Variants in FOXP1 observed in about 807,000 individuals in gnomAD.
FOXP1 encodes forkhead box P1.
FOXP1 carries 15 observed loss-of-function variants against 98.2 expected under a neutral mutation model. The observed-to-expected ratio is 0.15, with a 90% CI of 0.10 to 0.24. The LOEUF is 0.24. Ranked by LOEUF, FOXP1 falls within the 10% of genes least tolerant of loss-of-function variation. FOXP1 has a pLI of 1.00. For missense variants in FOXP1, 633 were observed against 848.5 expected (o/e 0.75, Z 3.15); for synonymous variants, 371 against 314.5 (o/e 1.18, Z -1.90).
At chr3:71,163,548 A>G (rs962691094) in intron 6 of FOXP1, among the ~76,000 whole-genome samples, 3 of 152,160 alleles carry the variant, frequency 2.0e-5, no homozygotes, top group Admixed American at 6.5e-5. Flanking sequence ...TCAGTGCCCA[A>G]TCTCTGCAGC....
Position 70,976,805 on chromosome 3 carries a change from CA to C in FOXP1, c.1530+135del, listed in dbSNP as rs537768033. The C allele has an allele frequency of 2.0e-4, 139 of 684,136 alleles. No individual in the cohort carries two copies. The African/African-American group carries it at 2.3e-3, about 11-fold the overall frequency. 42.4% of individuals were successfully genotyped at this position (684,136 alleles called of 1,614,324 possible). On this transcript the variant is annotated intron_variant, in intron 17 of 20. Transcript: ENST00000649528. ...ATGGCACTATTTTCCCAATCAAATACACCTAGAGATTGGACACTTTAAGAGT... is the reference window on the plus strand; with the variant it reads ...ATGGCACTATTTTCCCAATCAAATACCCTAGAGATTGGACACTTTAAGAGT...
intron 6 of FOXP1, among the ~76,000 whole-genome samples, chr3:71,197,635 A>G (rs1012320579): frequency 2.6e-5 from 4 of 152,184 alleles, no homozygotes; most frequent in Non-Finnish European, 5.9e-5. Context: ...CAGGGAACAT[A>G]TGTAAATACT....
chr3:71,344,336 C>T (rs2077195600), intron 4 of FOXP1, among the ~76,000 whole-genome samples: 1 of 152,218 alleles, frequency 6.6e-6, no homozygotes, highest in Admixed American at 6.6e-5. Context: ...ATTCTTCTGT[C>T]GTTTTGCAAA....
At chr3:71,006,688 T>A (rs2042849181) in intron 12 of FOXP1, among the ~76,000 whole-genome samples, 1 of 152,138 alleles carries the variant, frequency 6.6e-6, no homozygotes, top group Admixed American at 6.5e-5. Flanking sequence ...AATGATCACA[T>A]GAAATACCTA....
At chr3:71,299,621 G>A (rs968812133) in intron 5 of FOXP1, among the ~76,000 whole-genome samples, 199 bp downstream of exon 5, 3 of 152,106 alleles carry the variant, frequency 2.0e-5, no homozygotes, top group Admixed American at 2.0e-4. Context: ...TATTTGGGGG[G>A]GAAATGTGAA....
chr3:71,198,087 G>T, intron 6 of FOXP1, 115 bp downstream of exon 6: 1 of 1,614,116 alleles, frequency 6.2e-7, no homozygotes, highest in Non-Finnish European at 8.5e-7. Flanking sequence ...CAGAAAGACA[G>T]ATGGACAGAC....
intron 4 of FOXP1, among the ~76,000 whole-genome samples, chr3:71,323,471 G>C (rs1324007067): frequency 6.6e-6 from 1 of 152,004 alleles, no homozygotes; most frequent in African/African-American, 2.4e-5. Context: ...CCAAGAATAT[G>C]AGCAATAAGA....
At chr3:71,044,367 T>C (rs955562976) in intron 10 of FOXP1, among the ~76,000 whole-genome samples, 1 of 152,202 alleles carries the variant, frequency 6.6e-6, no homozygotes, top group Non-Finnish European at 1.5e-5. Context: ...TGAAAGAATA[T>C]TTCTATATGA....
At chr3:71,482,497 G>A (rs2090351710) in intron 3 of FOXP1, among the ~76,000 whole-genome samples, 2 of 151,412 alleles carry the variant, frequency 1.3e-5, no homozygotes, top group South Asian at 4.2e-4. Context: ...GCAGTAACAG[G>A]GATTACAGTT....
At chr3:71,413,029 G>A (rs1479641057) in intron 3 of FOXP1, among the ~76,000 whole-genome samples, 1 of 151,864 alleles carries the variant, frequency 6.6e-6, no homozygotes. Context: ...TCATACACAG[G>A]GCTTCGTCTT....
chr3:71,229,083 T>C (rs1281938569), intron 5 of FOXP1, among the ~76,000 whole-genome samples: 1 of 151,786 alleles, frequency 6.6e-6, no homozygotes, highest in Non-Finnish European at 1.5e-5. Context: ...TACACCCCTA[T>C]ATTATACAAA....
chr3:71,226,462 G>A (rs924326359), intron 5 of FOXP1, among the ~76,000 whole-genome samples: 4 of 106,832 alleles, frequency 3.7e-5, no homozygotes, highest in African/African-American at 1.1e-4. Flanking sequence ...CAGCCATCCT[G>A]AAAATGCCCG....
chr3:71,015,333 T>TA (rs954558092), intron 12 of FOXP1, among the ~76,000 whole-genome samples: 10 of 152,150 alleles, frequency 6.6e-5, no homozygotes, highest in African/African-American at 2.4e-4. Flanking sequence ...TACTAAGACT[T>TA]ACGCCTTTGA....
chr3:71,400,172 T>C (rs1165911639), intron 3 of FOXP1, among the ~76,000 whole-genome samples: 1 of 152,186 alleles, frequency 6.6e-6, no homozygotes, highest in Non-Finnish European at 1.5e-5. Flanking sequence ...AGGTAAAAAA[T>C]GTTTATGTCA....
chr3:71,013,352 T>C (rs998492003), intron 12 of FOXP1, among the ~76,000 whole-genome samples: 2 of 152,180 alleles, frequency 1.3e-5, no homozygotes, highest in East Asian at 1.9e-4. Flanking sequence ...CCAGCTGCAA[T>C]TGGCCAGTAA....
In FOXP1 at chr3:71,583,645, G is replaced by T; in HGVS notation, c.-521C>A. Reference sequence around the variant, plus strand: ...CCCGCGCGCGCCCACTCCCGCCCGCGCGCGCACCCCGCGCACACACTCACT... The same window carrying T: ...CCCGCGCGCGCCCACTCCCGCCCGCTCGCGCACCCCGCGCACACACTCACT... On this transcript the variant is annotated 5_prime_UTR_variant, in exon 1 of 21. Coordinates refer to ENST00000649528, the MANE Select transcript of FOXP1 (RefSeq NM_001349338.3). The T allele has an allele frequency of 1.0e-6, 1 of 984,102 alleles. No individual in the cohort carries two copies. The highest frequency in any genetic ancestry group is 1.2e-6 in the Non-Finnish European group (1 of 829,504). 61.0% of individuals were successfully genotyped at this position (984,102 alleles called of 1,614,324 possible).
chr3:71,045,024 T>G (rs2048837363), intron 10 of FOXP1, among the ~76,000 whole-genome samples: 1 of 151,836 alleles, frequency 6.6e-6, no homozygotes, highest in Non-Finnish European at 1.5e-5. Flanking sequence ...GGTGAGGGAG[T>G]GGGGGGACAA....
chr3:71,400,402 G>A (rs1292187812), intron 3 of FOXP1, among the ~76,000 whole-genome samples: 1 of 151,998 alleles, frequency 6.6e-6, no homozygotes, highest in African/African-American at 2.4e-5. Flanking sequence ...TGTTGCCCAG[G>A]CTGGAGTGCA....
At chr3:71,147,523 C>T (rs1014226225) in intron 6 of FOXP1, among the ~76,000 whole-genome samples, 2 of 152,216 alleles carry the variant, frequency 1.3e-5, no homozygotes, top group East Asian at 1.9e-4. Context: ...GTAACATCCT[C>T]TCCACCATTA....
Sources: allele counts gnomAD v4.1 joint callset (sites outside exome capture counted in the v4.1 genomes callset), GRCh38; gene constraint gnomAD v4.1.1; transcripts MANE v1.5; gene names NCBI Gene and HGNC (gene_info 2026-07-23, HGNC 2026-07-21).